NWD2: variants seen among roughly 807,000 people sequenced by gnomAD.
The protein encoded by NWD2 is NACHT and WD repeat domain-containing protein 2.
NWD2 carries 37 observed loss-of-function variants against 132.7 expected under a neutral mutation model. That is an observed-to-expected ratio of 0.28 (90% CI 0.21 to 0.37). The LOEUF (loss-of-function observed/expected upper bound fraction) is 0.37, where lower values mean the gene tolerates loss of function less well. NWD2 is among the 10% of genes least tolerant of loss of function. The pLI is 1.00. For missense variants in NWD2, 1,592 were observed against 2,122.4 expected (o/e 0.75, Z 4.91); for synonymous variants, 705 against 803.0 (o/e 0.88, Z 2.06).
At chr4:37,373,874 G>A (rs1560407127) in intron 3 of NWD2, among the ~76,000 whole-genome samples, 1 of 152,222 alleles carries the variant, frequency 6.6e-6, no homozygotes, top group African/African-American at 2.4e-5. Flanking sequence ...AGAAGGTAAT[G>A]TATCTGAAAA....
At chr4:37,344,138 A>G (rs895962148) in intron 2 of NWD2, among the ~76,000 whole-genome samples, 2 of 152,220 alleles carry the variant, frequency 1.3e-5, no homozygotes, top group African/African-American at 4.8e-5. Flanking sequence ...CAGTGCCTGG[A>G]CATTAGGCTA....
chr4:37,322,000 G>A (rs112461979), intron 1 of NWD2, among the ~76,000 whole-genome samples: 2,706 of 152,180 alleles, frequency 0.018, 70 homozygotes, highest in African/African-American at 0.061. Context: ...ACCGTTTCCC[G>A]AGATTTCAGA....
intron 3 of NWD2, among the ~76,000 whole-genome samples, chr4:37,392,331 T>C (rs752802656): frequency 5.3e-5 from 8 of 152,178 alleles, no homozygotes; most frequent in Non-Finnish European, 8.8e-5. Flanking sequence ...ACGTGGATGA[T>C]AAAACATGAT....
At chr4:37,393,728 C>G (rs1324991129) in intron 3 of NWD2, among the ~76,000 whole-genome samples, 1 of 152,180 alleles carries the variant, frequency 6.6e-6, no homozygotes, top group Non-Finnish European at 1.5e-5. Flanking sequence ...ATATATTCTT[C>G]ACAGCTCCTG....
rs548905542 is a variant in NWD2, at chr4:37,392,796, G to A, written c.357+36314G>A. Among the ~76,000 whole-genome samples, 52 of 152,304 alleles carry A rather than the reference G, an allele frequency of 3.4e-4. No individual in the cohort carries two copies. In the South Asian group the frequency reaches 0.011, roughly 31 times the overall value. On this transcript the variant is annotated intron_variant, in intron 3 of 6. Coordinates refer to ENST00000309447, the MANE Select transcript of NWD2 (RefSeq NM_001144990.2). Reference sequence around the variant, plus strand: ...CCTCTGAGTGAAGACTGACTCAGCAGTTGGCAATTTATTCACCTTAACGTT... The same window carrying A: ...CCTCTGAGTGAAGACTGACTCAGCAATTGGCAATTTATTCACCTTAACGTT...
At chr4:37,290,196 T>C (rs1204229389) in intron 1 of NWD2, among the ~76,000 whole-genome samples, 1 of 152,214 alleles carries the variant, frequency 6.6e-6, no homozygotes, top group Non-Finnish European at 1.5e-5. Context: ...AAGGGCTTAC[T>C]CTGTACCAGG....
At chr4:37,293,148 T>A (rs1718400324) in intron 1 of NWD2, among the ~76,000 whole-genome samples, 1 of 152,252 alleles carries the variant, frequency 6.6e-6, no homozygotes, top group African/African-American at 2.4e-5. Context: ...AAGCCAATAT[T>A]TGTTGTTTTT....
intron 1 of NWD2, among the ~76,000 whole-genome samples, chr4:37,295,854 C>T (rs1718479185): frequency 6.6e-6 from 1 of 152,202 alleles, no homozygotes; most frequent in South Asian, 2.1e-4. Context: ...AAGTATATTT[C>T]CTTAATGTTT....
intron 2 of NWD2, among the ~76,000 whole-genome samples, chr4:37,332,803 G>T (rs1298745922): frequency 6.6e-6 from 1 of 152,190 alleles, no homozygotes; most frequent in East Asian, 1.9e-4. Flanking sequence ...CCCAGTTCCA[G>T]GCCTTGGCTC....
At chr4:37,300,145 G>C (rs919363734) in intron 1 of NWD2, among the ~76,000 whole-genome samples, 1 of 151,982 alleles carries the variant, frequency 6.6e-6, no homozygotes, top group Admixed American at 6.6e-5. Context: ...CCTGATCATC[G>C]GACAAAACTA....
intron 3 of NWD2, among the ~76,000 whole-genome samples, chr4:37,420,178 C>G (rs1711761901): frequency 1.3e-5 from 2 of 152,102 alleles, no homozygotes; most frequent in South Asian, 4.1e-4. Context: ...TGTTCATGTC[C>G]TTTGTCCATT....
At chr4:37,287,525 C>T (rs1010651101) in intron 1 of NWD2, among the ~76,000 whole-genome samples, 4 of 152,194 alleles carry the variant, frequency 2.6e-5, no homozygotes, top group African/African-American at 7.2e-5. Context: ...CTGTGGCATA[C>T]GGTGGCCAGA....
intron 3 of NWD2, among the ~76,000 whole-genome samples, chr4:37,410,219 A>G (rs1488089244): frequency 6.6e-6 from 1 of 152,190 alleles, no homozygotes; most frequent in Non-Finnish European, 1.5e-5. Context: ...AAATTGGATA[A>G]AGAGTCAAGA....
chr4:37,353,105 C>A (rs188721345), intron 2 of NWD2, among the ~76,000 whole-genome samples: 1 of 152,212 alleles, frequency 6.6e-6, no homozygotes, highest in Admixed American at 6.5e-5. Flanking sequence ...TTTCTCCTTT[C>A]TTATGAAGGT....
chr4:37,314,948 G>T (rs186973317), intron 1 of NWD2, among the ~76,000 whole-genome samples: 5 of 152,108 alleles, frequency 3.3e-5, no homozygotes, highest in African/African-American at 1.2e-4. Flanking sequence ...AGCTTTTAGC[G>T]TGTGCTTTTA....
intron 3 of NWD2, among the ~76,000 whole-genome samples, chr4:37,372,072 T>A (rs1420273660): frequency 6.6e-6 from 1 of 152,192 alleles, no homozygotes; most frequent in East Asian, 1.9e-4. Flanking sequence ...TTTAAATCAT[T>A]GTTAGATAAA....
chr4:37,433,176 C>T (rs902130659), intron 4 of NWD2, among the ~76,000 whole-genome samples: 4 of 152,070 alleles, frequency 2.6e-5, no homozygotes, highest in Non-Finnish European at 5.9e-5. Context: ...TTGGGGTAAA[C>T]CCAAACCATT....
intron 2 of NWD2, among the ~76,000 whole-genome samples, chr4:37,339,536 C>T (rs1416637909): frequency 6.6e-6 from 1 of 152,194 alleles, no homozygotes; most frequent in Non-Finnish European, 1.5e-5. Flanking sequence ...TATACCAACA[C>T]TGAAAATTAC....
intron 3 of NWD2, among the ~76,000 whole-genome samples, chr4:37,391,358 G>T (rs963516963): frequency 6.6e-6 from 1 of 152,184 alleles, no homozygotes; most frequent in Non-Finnish European, 1.5e-5. Flanking sequence ...ATGTAGACGT[G>T]CCTGCAGGCA....
Sources: allele counts gnomAD v4.1 joint callset (sites outside exome capture counted in the v4.1 genomes callset), GRCh38; gene constraint gnomAD v4.1.1; transcripts MANE v1.5; gene names NCBI Gene and HGNC (gene_info 2026-07-23, HGNC 2026-07-21).